The following PIBF1 variants were observed in gnomAD, a reference collection of about 807,000 sequenced individuals.
The protein encoded by PIBF1 is progesterone-induced-blocking factor 1.
PIBF1 carries 90 observed loss-of-function variants against 112.5 expected under a neutral mutation model. The observed-to-expected ratio is 0.80, with a 90% CI of 0.67 to 0.95. PIBF1 has a LOEUF of 0.95. PIBF1 is among the 40% of genes least tolerant of loss of function. PIBF1 has a pLI of 0.00. For missense variants in PIBF1, 915 were observed against 852.3 expected, an observed-to-expected ratio of 1.07 and a Z score of -0.92; for synonymous variants, 301 against 288.6, an observed-to-expected ratio of 1.04 and a Z score of -0.44.
intron 12 of PIBF1, among the ~76,000 whole-genome samples, chr13:72,916,331 G>A (rs1448531836): frequency 6.6e-6 from 1 of 151,646 alleles, no homozygotes; most frequent in Non-Finnish European, 1.5e-5. Context: ...GGCAGAGGTC[G>A]CTGTGAGCAG....
At chr13:72,866,435 A>G (rs2038931671) in intron 10 of PIBF1, among the ~76,000 whole-genome samples, 1 of 152,144 alleles carries the variant, frequency 6.6e-6, no homozygotes, top group African/African-American at 2.4e-5. Flanking sequence ...AAAATTTTCT[A>G]ATTTTAGGAG....
At chr13:72,846,714 A>G (rs1353356192) in intron 9 of PIBF1, among the ~76,000 whole-genome samples, 2 of 152,140 alleles carry the variant, frequency 1.3e-5, no homozygotes, top group African/African-American at 4.8e-5. Flanking sequence ...TCCTGATGAT[A>G]CACCTGTTCT....
intron 8 of PIBF1, among the ~76,000 whole-genome samples, chr13:72,828,382 C>A (rs2036928204): frequency 6.6e-6 from 1 of 151,710 alleles, no homozygotes; most frequent in African/African-American, 2.4e-5. Flanking sequence ...ACCCATCAAC[C>A]CGTCACCTAC....
intron 14 of PIBF1, among the ~76,000 whole-genome samples, chr13:72,934,979 CTGTTTGTTTGTT>C (rs879489243): frequency 1.3e-5 from 2 of 151,636 alleles, no homozygotes; most frequent in Non-Finnish European, 2.9e-5. Flanking sequence ...GTTTGTCTGT[CTGTTTGTTTGTT>C]TGTTTGTTTA....
chr13:72,801,755 G>A (rs1344491162), intron 5 of PIBF1, among the ~76,000 whole-genome samples: 2 of 152,104 alleles, frequency 1.3e-5, no homozygotes, highest in African/African-American at 2.4e-5. Flanking sequence ...TCGCAGTTCT[G>A]GCATATTATT....
intron 9 of PIBF1, among the ~76,000 whole-genome samples, chr13:72,840,468 T>C (rs1594024293): frequency 3.3e-5 from 5 of 152,116 alleles, no homozygotes; most frequent in Admixed American, 2.0e-4. Flanking sequence ...TTGAAATGGA[T>C]GAAGTACTTA....
At chr13:72,987,403 G>A (rs547639883) in intron 16 of PIBF1, among the ~76,000 whole-genome samples, 16 of 151,084 alleles carry the variant, frequency 1.1e-4, no homozygotes, top group African/African-American at 3.6e-4. Context: ...CATTTTTAAA[G>A]CCTGGGCTAG....
chr13:72,990,043 G>A (rs994243141), intron 16 of PIBF1, among the ~76,000 whole-genome samples: 3 of 150,614 alleles, frequency 2.0e-5, no homozygotes, highest in Admixed American at 6.7e-5. Flanking sequence ...GTGAAACTCC[G>A]TGTACACTAA....
intron 5 of PIBF1, among the ~76,000 whole-genome samples, chr13:72,805,435 C>T (rs2035684086): frequency 6.6e-6 from 1 of 152,294 alleles, no homozygotes; most frequent in East Asian, 1.9e-4. Flanking sequence ...AGCCACCACA[C>T]CTGGCCTGAA....
chr13:72,979,310 A>T (rs914758198), intron 16 of PIBF1, among the ~76,000 whole-genome samples: 26 of 152,206 alleles, frequency 1.7e-4, no homozygotes, highest in African/African-American at 6.3e-4. Context: ...TGCCTTAACG[A>T]AACAAGATTT....
chr13:72,866,751 T>G (rs576511919), intron 10 of PIBF1, among the ~76,000 whole-genome samples: 2 of 152,328 alleles, frequency 1.3e-5, no homozygotes, highest in Non-Finnish European at 2.9e-5. Context: ...TCTACTGTGT[T>G]TGAGATCCTT....
chr13:73,010,166 A>G (rs1443387056), intron 17 of PIBF1, among the ~76,000 whole-genome samples: 1 of 151,750 alleles, frequency 6.6e-6, no homozygotes, highest in Non-Finnish European at 1.5e-5. Flanking sequence ...AGTAATGATC[A>G]CACAGTTTCT....
At chr13:72,835,177 C>T (rs571942933) in intron 8 of PIBF1, 66 bp from the exon 9 acceptor site, 44 of 1,183,830 alleles carry the variant, frequency 3.7e-5, no homozygotes, top group East Asian at 1.4e-4. Context: ...TAAAATCTTA[C>T]GTACAGTGCA....
chr13:72,844,683 G>A (rs2037754100), intron 9 of PIBF1, among the ~76,000 whole-genome samples: 1 of 148,908 alleles, frequency 6.7e-6, no homozygotes, highest in Admixed American at 6.7e-5. Context: ...CTTGAGGGCT[G>A]AGTATGGATC....
intron 15 of PIBF1, among the ~76,000 whole-genome samples, chr13:72,968,798 G>T (rs998107355): frequency 6.6e-6 from 1 of 152,030 alleles, no homozygotes; most frequent in African/African-American, 2.4e-5. Flanking sequence ...GTGGTGCCGA[G>T]GCAGACAGAT....
intron 11 of PIBF1, chr13:72,900,965 T>A (rs560171275): frequency 2.0e-4 from 68 of 335,138 alleles, no homozygotes; most frequent in African/African-American, 1.4e-3. Flanking sequence ...TACATTGCAG[T>A]GAACCGAGAT....
intron 16 of PIBF1, among the ~76,000 whole-genome samples, chr13:72,994,263 A>T (rs2043576552): frequency 6.6e-6 from 1 of 152,220 alleles, no homozygotes; most frequent in African/African-American, 2.4e-5. Context: ...TACAGAATTA[A>T]TCTCAGCAAA....
intron 13 of PIBF1, among the ~76,000 whole-genome samples, chr13:72,922,490 A>G (rs1031357441): frequency 1.3e-5 from 2 of 152,178 alleles, no homozygotes; most frequent in African/African-American, 4.8e-5. Context: ...CTAAATGGTG[A>G]CACCCAGGCA....
In PIBF1 at chr13:72,822,146, A is replaced by G. The variant is rs567855409; in HGVS notation, c.806+164A>G. Among the ~76,000 whole-genome samples, 19 of 152,238 alleles carry G rather than the reference A, an allele frequency of 1.2e-4. No homozygotes were observed. In the East Asian group the frequency reaches 3.3e-3, roughly 26 times the overall value. ...TTTGTTGGGTTTATATTGTATTTTTATATTGGTTGTTTTTGTTTTATTTAG... is the reference window on the plus strand; with the variant it reads ...TTTGTTGGGTTTATATTGTATTTTTGTATTGGTTGTTTTTGTTTTATTTAG... On this transcript the variant is annotated intron_variant, in intron 6 of 17. Transcript: ENST00000326291.
Sources: gnomAD v4.1 joint callset for allele counts (sites outside exome capture counted in the v4.1 genomes callset) on GRCh38, gnomAD v4.1.1 for gene constraint, MANE v1.5 for transcripts, NCBI Gene and HGNC (gene_info 2026-07-23, HGNC 2026-07-21) for gene names.